TENM2: variants seen among roughly 807,000 people sequenced by gnomAD.
The protein encoded by TENM2 is teneurin-2.
A neutral mutation model predicts 245.2 loss-of-function variants in TENM2; 52 were observed. The observed-to-expected ratio is 0.21, with a 90% CI of 0.17 to 0.27. The LOEUF (loss-of-function observed/expected upper bound fraction) is 0.27, where lower values mean the gene tolerates loss of function less well. TENM2 is among the 10% of genes least tolerant of loss of function. TENM2 has a pLI of 1.00. For missense variants in TENM2, 3,046 were observed against 3,666.8 expected (o/e 0.83, Z 4.37); for synonymous variants, 1,363 against 1,438.9 (o/e 0.95, Z 1.19).
At chr5:167,830,746 G>A (rs1768400117) in intron 2 of TENM2, among the ~76,000 whole-genome samples, 1 of 152,186 alleles carries the variant, frequency 6.6e-6, no homozygotes, top group Non-Finnish European at 1.5e-5. Flanking sequence ...TCAAACTTGA[G>A]AGCACGTCTG....
intron 12 of TENM2, among the ~76,000 whole-genome samples, chr5:168,158,850 TACACACACACACAC>T (rs764713880): frequency 9.6e-5 from 6 of 62,330 alleles, no homozygotes; most frequent in Admixed American, 7.0e-4. Context: ...TATATATATA[TACACACACACACAC>T]ACACATATAT....
chr5:167,695,618 A>T (rs750022454), intron 2 of TENM2, among the ~76,000 whole-genome samples: 1 of 152,170 alleles, frequency 6.6e-6, no homozygotes, highest in Non-Finnish European at 1.5e-5. Flanking sequence ...AAAAATAGTT[A>T]GCTGGAAATA....
At chr5:167,640,344 G>A (rs1292769738) in intron 2 of TENM2, among the ~76,000 whole-genome samples, 6 of 152,242 alleles carry the variant, frequency 3.9e-5, no homozygotes, top group East Asian at 1.9e-4. Flanking sequence ...ATGGCCGGGC[G>A]CGGTGGTTCA....
chr5:167,010,187 GA>G, the TENM2 span, among the ~76,000 whole-genome samples: 1 of 152,078 alleles, frequency 6.6e-6, no homozygotes, highest in Non-Finnish European at 1.5e-5. Context: ...TTCGAGACCA[GA>G]CTGACCAACA....
chr5:167,823,374 A>G, intron 2 of TENM2, among the ~76,000 whole-genome samples: 1 of 152,118 alleles, frequency 6.6e-6, no homozygotes. Context: ...ATACATGTGT[A>G]CCCACCCACA....
intron 12 of TENM2, among the ~76,000 whole-genome samples, chr5:168,157,109 G>T (rs1412066974): frequency 6.6e-6 from 1 of 152,180 alleles, no homozygotes; most frequent in East Asian, 1.9e-4. Flanking sequence ...TAAAGGAAAG[G>T]ATAAAGATGC....
At chr5:167,204,531 G>A in the TENM2 span, among the ~76,000 whole-genome samples, 2 of 152,140 alleles carry the variant, frequency 1.3e-5, no homozygotes, top group East Asian at 1.9e-4. Flanking sequence ...AATCCTTAGC[G>A]GAATCCTGCT....
At chr5:167,727,775 A>G (rs1760130775) in intron 2 of TENM2, among the ~76,000 whole-genome samples, 1 of 152,188 alleles carries the variant, frequency 6.6e-6, no homozygotes. Context: ...GAGGCCCAGA[A>G]AGGTTTAAAT....
chr5:167,791,337 A>G (rs1291374187), intron 2 of TENM2, among the ~76,000 whole-genome samples: 5 of 146,470 alleles, frequency 3.4e-5, no homozygotes, highest in Non-Finnish European at 6.0e-5. Context: ...ACGGGTACAC[A>G]TTACATATTG....
At chr5:167,609,026 AT>A (rs148608119) in intron 2 of TENM2, among the ~76,000 whole-genome samples, 114 of 152,316 alleles carry the variant, frequency 7.5e-4, no homozygotes, top group African/African-American at 2.7e-3. Context: ...TTTGCTATTC[AT>A]GAGTAAGCAT....
chr5:168,190,640 T>C (rs573474078), intron 14 of TENM2, 93 bp downstream of exon 16: 203 of 1,190,268 alleles, frequency 1.7e-4, no homozygotes, highest in Middle Eastern at 5.8e-4. Context: ...GGGGACCCAA[T>C]TGGCCTGGAA....
intron 3 of TENM2, among the ~76,000 whole-genome samples, chr5:167,909,844 G>A (rs1293099694): frequency 1.3e-5 from 2 of 150,826 alleles, no homozygotes; most frequent in African/African-American, 4.9e-5. Context: ...GACTATTAAA[G>A]TCATGTGTTT....
At position 168,226,120 on chromosome 5, in the gene TENM2, C is replaced by T. The variant is rs372798281; in HGVS notation, c.5141C>T (p.Thr1714Met). 91 of 1,613,576 alleles carry T rather than the reference C, an allele frequency of 5.6e-5. 1 individual carries two copies. Among genetic ancestry groups the T allele is most frequent in the Admixed American group, 3.7e-4 (22 of 59,958 alleles). Residue 1714 changes from threonine (T) to methionine (M), a missense_variant, in exon 24 of 29, where the codon ACG (threonine) becomes ATG (methionine). Around this residue, in one of 2 missense-constraint regions of TENM2, gnomAD observed 2,704 missense variants for 3,331.9 expected, o/e 0.81. Coordinates refer to ENST00000518659, the Ensembl canonical transcript of TENM2. ...CACGAAGGCCGCCTGACCAACGTGA[C>T]GCGCCCCACGGGGGTGGTAACCAGT...
At chr5:167,665,635 G>T (rs889728265) in intron 2 of TENM2, among the ~76,000 whole-genome samples, 11 of 152,106 alleles carry the variant, frequency 7.2e-5, no homozygotes, top group African/African-American at 2.7e-4. Context: ...GTTCCATTCT[G>T]TATTTTACCC....
intron 27 of TENM2, among the ~76,000 whole-genome samples, chr5:168,255,097 C>T (rs1232829634): frequency 6.6e-6 from 1 of 151,886 alleles, no homozygotes; most frequent in Non-Finnish European, 1.5e-5. Context: ...AAGGACTTCT[C>T]TTGCTTTTCT....
chr5:167,870,235 C>G (rs1772695393), intron 2 of TENM2, among the ~76,000 whole-genome samples: 1 of 152,088 alleles, frequency 6.6e-6, no homozygotes, highest in Admixed American at 6.6e-5. Flanking sequence ...CCAGGAAGAA[C>G]CTTGTTTCTG....
At chr5:168,201,712 G>A (rs1044861470) in intron 17 of TENM2, among the ~76,000 whole-genome samples, 1 of 152,116 alleles carries the variant, frequency 6.6e-6, no homozygotes, top group African/African-American at 2.4e-5. Context: ...ATCCCATTAA[G>A]ATCCACCTTT....
chr5:167,394,617 A>C (rs1761952197), intron 2 of TENM2, among the ~76,000 whole-genome samples: 1 of 152,088 alleles, frequency 6.6e-6, no homozygotes, highest in Non-Finnish European at 1.5e-5. Context: ...CTTTGGAGAC[A>C]GAGTCTCACT....
chr5:168,216,628 C>G, intron 21 of TENM2, 140 bp from the exon 24 acceptor site: 1 of 745,984 alleles, frequency 1.3e-6, no homozygotes, highest in South Asian at 1.7e-5. Flanking sequence ...GGCTGAGAAC[C>G]ACTGCTCTGA....
Sources: allele counts gnomAD v4.1 joint callset (sites outside exome capture counted in the v4.1 genomes callset), GRCh38; gene constraint gnomAD v4.1.1; regional missense constraint gnomAD v4.1.1; transcripts MANE v1.5; gene names NCBI Gene and HGNC (gene_info 2026-07-23, HGNC 2026-07-21).